The following NPAS3 variants were observed in gnomAD, a reference collection of about 807,000 sequenced individuals.
The protein encoded by NPAS3 is neuronal PAS domain protein 3.
A neutral mutation model predicts 73.1 loss-of-function variants in NPAS3; 14 were observed. The observed-to-expected ratio is 0.19, with a 90% CI of 0.13 to 0.30. The LOEUF (loss-of-function observed/expected upper bound fraction) is 0.30, where lower values mean the gene tolerates loss of function less well. Among genes scored for constraint, NPAS3 ranks in the 10% least tolerant of loss-of-function variants. NPAS3 has a pLI of 1.00. For missense variants in NPAS3, 1,096 were observed against 1,250.0 expected (o/e 0.88, Z 1.86); for synonymous variants, 620 against 541.5 (o/e 1.14, Z -2.01).
At chr14:33,062,566 C>T (rs1032479387) in intron 2 of NPAS3, among the ~76,000 whole-genome samples, 3 of 152,020 alleles carry the variant, frequency 2.0e-5, no homozygotes, top group Admixed American at 6.6e-5. Flanking sequence ...TTGGTTTCAC[C>T]GGAGTGTATA....
At chr14:33,192,146 T>G (rs1281209411) in intron 2 of NPAS3, among the ~76,000 whole-genome samples, 1 of 152,158 alleles carries the variant, frequency 6.6e-6, no homozygotes, top group Non-Finnish European at 1.5e-5. Context: ...CTAGGAGACC[T>G]TAGGCAAATT....
chr14:33,222,374 G>A (rs569330940), intron 3 of NPAS3, among the ~76,000 whole-genome samples: 55 of 152,310 alleles, frequency 3.6e-4, no homozygotes, highest in African/African-American at 1.3e-3. Context: ...TCAGTTCAAA[G>A]TATTCAGCTT....
intron 5 of NPAS3, among the ~76,000 whole-genome samples, chr14:33,590,623 A>T (rs530770894): frequency 6.6e-6 from 1 of 152,336 alleles, no homozygotes; most frequent in South Asian, 2.1e-4. Context: ...GCTTATTATA[A>T]GTTTATGTAC....
chr14:33,448,585 T>C (rs1402911333), intron 4 of NPAS3, among the ~76,000 whole-genome samples: 1 of 152,240 alleles, frequency 6.6e-6, no homozygotes, highest in Non-Finnish European at 1.5e-5. Flanking sequence ...ATGATGTTTC[T>C]GATGATCATT....
chr14:32,961,124 G>A (rs1353462158), intron 1 of NPAS3, among the ~76,000 whole-genome samples: 1 of 152,058 alleles, frequency 6.6e-6, no homozygotes, highest in East Asian at 1.9e-4. Context: ...GAAAAAAAAT[G>A]TGAATTCGGC....
intron 1 of NPAS3, among the ~76,000 whole-genome samples, chr14:33,041,789 C>T (rs1331154804): frequency 6.6e-6 from 1 of 152,060 alleles, no homozygotes; most frequent in Non-Finnish European, 1.5e-5. Flanking sequence ...GAAATGTAAC[C>T]ATGTTTTGGA....
At position 33,498,943 on chromosome 14, in the gene NPAS3, T is replaced by A. The variant is rs879805430; in HGVS notation, c.469-61178T>A. Among the ~76,000 whole-genome samples the A allele has an allele frequency of 9.7e-3, 1,188 of 122,028 alleles. 7 individuals carry two copies. Among genetic ancestry groups the A allele is most frequent in the Non-Finnish European group, 0.012 (747 of 62,232 alleles). The allele number at this position is 122,028 out of a possible 152,430, so 80.1% of individuals were successfully genotyped here. A position where few individuals can be genotyped will look rare whatever the true frequency, so the allele number is the denominator to read the frequency against. ...GAGAGAGACAGAGAGAGAGTGTGTGTGTGTGTGTGTGTGTGTGTGTGTGTG... is the reference window on the plus strand; with the variant it reads ...GAGAGAGACAGAGAGAGAGTGTGTGAGTGTGTGTGTGTGTGTGTGTGTGTG... On this transcript the variant is annotated intron_variant, in intron 4 of 11. Coordinates refer to ENST00000356141, the Ensembl canonical transcript of NPAS3.
rs145600706 is a variant in NPAS3, at chr14:33,662,414, A to G, written c.559-13797A>G. Among the ~76,000 whole-genome samples, 156 of 152,356 alleles carry G rather than the reference A, an allele frequency of 1.0e-3. 1 individual carries two copies. The highest frequency in any genetic ancestry group is 3.6e-3 in the African/African-American group (150 of 41,588). On this transcript the variant is annotated intron_variant, in intron 5 of 11. Coordinates refer to ENST00000356141, the Ensembl canonical transcript of NPAS3. ...CTACTGAGTTCTCTTGGGAGAAGGA[A>G]GAAGCTAGATTTAAAATTCCAAAAT... is the stretch of plus-strand genomic sequence containing the variant.
intron 4 of NPAS3, among the ~76,000 whole-genome samples, chr14:33,433,358 C>T (rs1217134567): frequency 1.3e-5 from 2 of 152,212 alleles, no homozygotes; most frequent in East Asian, 3.9e-4. Flanking sequence ...AGGGAAACCA[C>T]ACAGCATCAT....
At chr14:33,256,451 T>A (rs1424752496) in intron 3 of NPAS3, among the ~76,000 whole-genome samples, 1 of 152,210 alleles carries the variant, frequency 6.6e-6, no homozygotes, top group Non-Finnish European at 1.5e-5. Flanking sequence ...ATCTAAGAAA[T>A]GGTGAATTAC....
At chr14:33,507,670 G>A (rs1016605999) in intron 4 of NPAS3, among the ~76,000 whole-genome samples, 2 of 151,900 alleles carry the variant, frequency 1.3e-5, no homozygotes, top group Admixed American at 6.6e-5. Context: ...CATGGAACAT[G>A]GAATTTCTAT....
intron 4 of NPAS3, among the ~76,000 whole-genome samples, chr14:33,460,843 G>C (rs1310031049): frequency 6.6e-6 from 1 of 152,136 alleles, no homozygotes; most frequent in East Asian, 1.9e-4. Context: ...CAGAGAGTGG[G>C]TCCAGGAAGT....
chr14:33,063,091 C>T (rs2041164076), intron 2 of NPAS3, among the ~76,000 whole-genome samples: 1 of 152,140 alleles, frequency 6.6e-6, no homozygotes, highest in African/African-American at 2.4e-5. Flanking sequence ...ACATGTGGGA[C>T]AGTGACTAAG....
intron 1 of NPAS3, among the ~76,000 whole-genome samples, chr14:33,021,483 C>T (rs1217713617): frequency 6.6e-6 from 1 of 152,094 alleles, no homozygotes; most frequent in African/African-American, 2.4e-5. Flanking sequence ...CAAATTATGG[C>T]CCAAGGGTCA....
chr14:33,676,585 C>CTAAT (rs2140338330), intron 6 of NPAS3, among the ~76,000 whole-genome samples, 200 bp downstream of exon 6: 1 of 152,296 alleles, frequency 6.6e-6, no homozygotes, highest in South Asian at 2.1e-4. Context: ...ATCCAGAGAT[C>CTAAT]TAATTTCAGT....
At chr14:33,565,309 A>C (rs569363975) in intron 5 of NPAS3, among the ~76,000 whole-genome samples, 12 of 152,264 alleles carry the variant, frequency 7.9e-5, no homozygotes, top group Non-Finnish European at 1.6e-4. Context: ...TACAGCACAC[A>C]AGTACAAGGT....
At chr14:33,436,768 C>T (rs1358797387) in intron 4 of NPAS3, among the ~76,000 whole-genome samples, 1 of 152,160 alleles carries the variant, frequency 6.6e-6, no homozygotes, top group Non-Finnish European at 1.5e-5. Context: ...TTCGGATACC[C>T]TTGAGGCTCT....
chr14:33,774,651 T>C lies in NPAS3; in HGVS notation c.1046+121T>C, dbSNP rs2062756917. The stretch of plus-strand genomic sequence containing the variant: ...TTCATTCTAAATCCTGATCTTGTTT[T>C]TAATGGCCACTTGGACTGACACCAA... On this transcript the variant is annotated intron_variant, in intron 8 of 11. Transcript: ENST00000356141. The C allele has an allele frequency of 9.2e-6, 7 of 759,102 alleles. No individual in the cohort carries two copies. In the East Asian group the frequency reaches 1.5e-4, roughly 17 times the overall value. 47.0% of individuals were successfully genotyped at this position (759,102 alleles called of 1,614,324 possible).
chr14:33,259,251 G>A (rs778037911), intron 3 of NPAS3, among the ~76,000 whole-genome samples: 1 of 152,100 alleles, frequency 6.6e-6, no homozygotes, highest in Non-Finnish European at 1.5e-5. Flanking sequence ...CTGTCTCATC[G>A]AAACATCAGC....
Sources: allele counts gnomAD v4.1 joint callset (sites outside exome capture counted in the v4.1 genomes callset), GRCh38; gene constraint gnomAD v4.1.1; transcripts MANE v1.5; gene names NCBI Gene and HGNC (gene_info 2026-07-23, HGNC 2026-07-21).